TSPAN18: variants seen among roughly 807,000 people sequenced by gnomAD.
The protein encoded by TSPAN18 is tetraspanin-18.
A neutral mutation model predicts 27.3 loss-of-function variants in TSPAN18; 14 were observed. The observed-to-expected ratio is 0.51, with a 90% CI of 0.34 to 0.80. The LOEUF is 0.80. TSPAN18 is among the 30% of genes least tolerant of loss of function. The pLI is 0.01. For missense variants in TSPAN18, 268 were observed against 323.9 expected, an observed-to-expected ratio of 0.83 and a Z score of 1.32; for synonymous variants, 143 against 136.5, an observed-to-expected ratio of 1.05 and a Z score of -0.33.
intron 2 of TSPAN18, among the ~76,000 whole-genome samples, chr11:44,773,700 A>C (rs1855741429): frequency 6.6e-6 from 1 of 152,132 alleles, no homozygotes; most frequent in African/African-American, 2.4e-5. Flanking sequence ...GATGGGATGG[A>C]ACGGTGGTCA....
At chr11:44,890,618 G>T (rs1227162710) in intron 3 of TSPAN18, among the ~76,000 whole-genome samples, 2 of 152,068 alleles carry the variant, frequency 1.3e-5, no homozygotes, top group African/African-American at 4.8e-5. Context: ...AGCTACTCGG[G>T]AGGCTGAGGC....
intron 2 of TSPAN18, among the ~76,000 whole-genome samples, chr11:44,804,961 T>A (rs1856560702): frequency 6.6e-6 from 1 of 152,160 alleles, no homozygotes; most frequent in Non-Finnish European, 1.5e-5. Flanking sequence ...TTGGGGAGGA[T>A]GCAGAGAAGA....
At chr11:44,827,053 ACTGGATGT>A (rs1434663511) in intron 2 of TSPAN18, among the ~76,000 whole-genome samples, 1 of 152,140 alleles carries the variant, frequency 6.6e-6, no homozygotes, top group Non-Finnish European at 1.5e-5. Context: ...GAGGGCCCTG[ACTGGATGT>A]CTGGCCCCTC....
chr11:44,799,740 G>C (rs1443540691), intron 2 of TSPAN18, among the ~76,000 whole-genome samples: 1 of 152,246 alleles, frequency 6.6e-6, no homozygotes, highest in East Asian at 1.9e-4. Context: ...CAGGGTTACA[G>C]TCAGGAAGTG....
intron 2 of TSPAN18, among the ~76,000 whole-genome samples, chr11:44,829,507 G>A (rs1857111907): frequency 6.6e-6 from 1 of 151,834 alleles, no homozygotes; most frequent in South Asian, 2.1e-4. Flanking sequence ...TGTCTTTTTG[G>A]GTACGATAGC....
chr11:44,856,763 C>G (rs953859377), intron 2 of TSPAN18, among the ~76,000 whole-genome samples: 2 of 152,170 alleles, frequency 1.3e-5, no homozygotes, highest in African/African-American at 4.8e-5. Flanking sequence ...CTGTTGAATT[C>G]AAGACCAGCC....
chr11:44,762,775 GA>G (rs1252062831), intron 1 of TSPAN18, among the ~76,000 whole-genome samples: 1 of 152,108 alleles, frequency 6.6e-6, no homozygotes, highest in Non-Finnish European at 1.5e-5. Flanking sequence ...TAAATAAAAT[GA>G]GGTCCCATCC....
intron 8 of TSPAN18, among the ~76,000 whole-genome samples, chr11:44,923,014 C>T (rs1281919228): frequency 6.6e-6 from 1 of 152,126 alleles, no homozygotes; most frequent in Non-Finnish European, 1.5e-5. Flanking sequence ...GAGGCTGAGG[C>T]AGGAGAATCA....
At chr11:44,874,724 G>T (rs747540469) in intron 3 of TSPAN18, among the ~76,000 whole-genome samples, 2 of 152,208 alleles carry the variant, frequency 1.3e-5, no homozygotes, top group African/African-American at 4.8e-5. Context: ...TCTATGGCTG[G>T]CCGGGCCTGG....
At chr11:44,738,732 C>CTTAATTCT (rs1269921849) in intron 1 of TSPAN18, among the ~76,000 whole-genome samples, 1 of 152,140 alleles carries the variant, frequency 6.6e-6, no homozygotes, top group Non-Finnish European at 1.5e-5. Flanking sequence ...CTCATTATAA[C>CTTAATTCT]TTAATTGCCA....
rs531120116 is a variant in TSPAN18, at chr11:44,908,690, C to A, written c.64-1015C>A. Among the ~76,000 whole-genome samples the A allele has an allele frequency of 1.6e-3, 232 of 149,252 alleles. 3 individuals are homozygous for A. Among genetic ancestry groups the A allele is most frequent in the African/African-American group, 5.5e-3 (222 of 40,222 alleles). On this transcript the variant is annotated intron_variant, in intron 4 of 9. Coordinates refer to ENST00000520358, the MANE Select transcript of TSPAN18 (RefSeq NM_130783.5). ...TCAAGGCTGCAGTGAGATGTGATCC[C>A]GCCACTGCACTCCAGCCTGGGTAGC...
At chr11:44,792,382 A>AG (rs1391446048) in intron 2 of TSPAN18, among the ~76,000 whole-genome samples, 2 of 152,196 alleles carry the variant, frequency 1.3e-5, no homozygotes, top group Admixed American at 1.3e-4. Context: ...GGTGAGTCCC[A>AG]GGGCTGGAGC....
chr11:44,762,020 T>C (rs1855465230), intron 1 of TSPAN18, among the ~76,000 whole-genome samples: 1 of 152,212 alleles, frequency 6.6e-6, no homozygotes, highest in African/African-American at 2.4e-5. Flanking sequence ...AAGGGGTTCC[T>C]TCTGCCCTGC....
intron 1 of TSPAN18, among the ~76,000 whole-genome samples, chr11:44,743,647 G>A (rs1854999915): frequency 6.6e-6 from 1 of 152,222 alleles, no homozygotes; most frequent in South Asian, 2.1e-4. Flanking sequence ...TTGCCCTTGG[G>A]CATTTCCCGC....
chr11:44,876,168 A>G (rs1858326091), intron 3 of TSPAN18, among the ~76,000 whole-genome samples: 1 of 152,120 alleles, frequency 6.6e-6, no homozygotes, highest in South Asian at 2.1e-4. Flanking sequence ...TCTGTTCCTT[A>G]TCCCATACCT....
chr11:44,831,506 A>G (rs567139774), intron 2 of TSPAN18, among the ~76,000 whole-genome samples: 1 of 152,328 alleles, frequency 6.6e-6, no homozygotes. Flanking sequence ...TGGAAAAAGC[A>G]TGTCCAAGGA....
At chr11:44,872,761 T>A (rs983510344) in intron 3 of TSPAN18, among the ~76,000 whole-genome samples, 2 of 152,228 alleles carry the variant, frequency 1.3e-5, no homozygotes, top group African/African-American at 4.8e-5. Flanking sequence ...TGAAGCAACT[T>A]GCCCAAGGTC....
chr11:44,748,041 G>A (rs559626423), intron 1 of TSPAN18, among the ~76,000 whole-genome samples: 1 of 152,332 alleles, frequency 6.6e-6, no homozygotes, highest in Admixed American at 6.5e-5. Context: ...TATGGGCCGA[G>A]TCACTCAGCC....
In TSPAN18 at chr11:44,885,100, G is replaced by A. The variant is rs955971225; in HGVS notation, c.-10-21307G>A. Among the ~76,000 whole-genome samples the A allele has an allele frequency of 3.3e-5, 5 of 152,116 alleles. No individual in the cohort carries two copies. In the South Asian group the frequency reaches 6.2e-4, roughly 19 times the overall value. On this transcript the variant is annotated intron_variant, in intron 3 of 9. Transcript: ENST00000520358. ...GTAGCTGTGATGGATACAATATGGCGCCAAATCCTAAAATAGGTATTATAT... is the reference window on the plus strand; with the variant it reads ...GTAGCTGTGATGGATACAATATGGCACCAAATCCTAAAATAGGTATTATAT...
Sources: gnomAD v4.1 joint callset for allele counts (sites outside exome capture counted in the v4.1 genomes callset) on GRCh38, gnomAD v4.1.1 for gene constraint, MANE v1.5 for transcripts, NCBI Gene and HGNC (gene_info 2026-07-23, HGNC 2026-07-21) for gene names.